PHC2: variants seen among roughly 807,000 people sequenced by gnomAD.
The protein encoded by PHC2 is polyhomeotic-like protein 2.
Under a neutral mutation model 87.4 loss-of-function variants are expected in PHC2, and 29 were observed. That is an observed-to-expected ratio of 0.33 (90% confidence interval 0.25 to 0.45). PHC2 has a LOEUF of 0.45. Among genes scored for constraint, PHC2 ranks in the 20% least tolerant of loss-of-function variants. PHC2 has a pLI of 1.00. For synonymous variants in PHC2, 438 were observed against 461.7 expected (o/e 0.95, Z 0.66); for missense variants, 857 against 1,136.7 (o/e 0.75, Z 3.54).
rs774916729 is a variant in PHC2, at chr1:33,324,946, G to A, written c.2499C>T (p.Asp833=). 59 of 1,613,936 alleles carry A rather than the reference G, an allele frequency of 3.7e-5. No homozygotes were observed. The highest frequency in any genetic ancestry group is 4.8e-5 in the Non-Finnish European group (57 of 1,179,942). ...DGQALLLLKE[D]HLMSAMNIKL... ...TGATGTTCATGGCGCTCATCAGGTGGTCCTCCTTGAGCAGCAGCAGGGCTT... is the reference window on the plus strand; with the variant it reads ...TGATGTTCATGGCGCTCATCAGGTGATCCTCCTTGAGCAGCAGCAGGGCTT... Residue 833 remains aspartate (D), a synonymous_variant, in exon 15 of 15, where the codon GAC becomes GAT. Coordinates refer to ENST00000683057, the MANE Select transcript of PHC2 (RefSeq NM_001385109.1).
chr1:33,330,388 T>C (rs1243497844), intron 12 of PHC2, among the ~76,000 whole-genome samples, 176 bp from the exon 13 acceptor site: 1 of 152,228 alleles, frequency 6.6e-6, no homozygotes, highest in Non-Finnish European at 1.5e-5. Context: ...TAAGCCCTGA[T>C]CCTCCGTTTC....
chr1:33,372,026 G>T (rs938792663), intron 3 of PHC2, among the ~76,000 whole-genome samples: 1 of 152,250 alleles, frequency 6.6e-6, no homozygotes, highest in Non-Finnish European at 1.5e-5. Context: ...TAGACCTGCG[G>T]TAAGGTGGTT....
At chr1:33,411,209 T>C (rs556419727) in intron 1 of PHC2, among the ~76,000 whole-genome samples, 65 of 152,342 alleles carry the variant, frequency 4.3e-4, no homozygotes, top group Non-Finnish European at 7.1e-4. Context: ...AGTATAAATA[T>C]GATATTCTCC....
At position 33,369,425 on chromosome 1, in the gene PHC2, G is replaced by A. The variant is rs950335491; in HGVS notation, c.577-803C>T. The stretch of plus-strand genomic sequence containing the variant: ...AGGCAGGCATCACGACCCCAGTGGA[G>A]TAGGACATAGGGACAAGCAACCTGC... On this transcript the variant is annotated intron_variant, in intron 5 of 14. Transcript: ENST00000683057. This position sits in a 1 kb window ranked among gnomAD's most constrained non-coding sequence, Gnocchi z 4.7. Among the ~76,000 whole-genome samples the A allele has an allele frequency of 6.6e-6, 1 of 152,188 alleles. No individual in the cohort carries two copies. Among genetic ancestry groups the A allele is most frequent in the Non-Finnish European group, 1.5e-5 (1 of 68,034 alleles).
At chr1:33,428,786 A>G (rs56132060) in intron 1 of PHC2, among the ~76,000 whole-genome samples, 7,010 of 152,300 alleles carry the variant, frequency 0.046, 245 homozygotes, top group Non-Finnish European at 0.066. Context: ...GATAATAGTA[A>G]GGAGGGAGGG....
intron 7 of PHC2, among the ~76,000 whole-genome samples, chr1:33,359,455 G>A (rs931023396): frequency 2.6e-5 from 4 of 152,202 alleles, no homozygotes; most frequent in East Asian, 1.9e-4. Context: ...ATGTGCCTGT[G>A]GGAGAGGAAT....
rs776748329 is a variant in PHC2, at chr1:33,375,569, C to G, written c.-30G>C. The G allele has an allele frequency of 2.1e-6, 3 of 1,453,290 alleles. No individual in the cohort carries two copies. The highest frequency in any genetic ancestry group is 2.9e-5 in the African/African-American group (2 of 69,510). The allele number at this position is 1,453,290 out of a possible 1,614,324, so 90.0% of individuals were successfully genotyped here. ...TGCAGTGTGGCGCAGTCAGGGCGCT[C>G]GGATGGCAGAAGGGCAGGCAGATGC... On this transcript the variant is annotated 5_prime_UTR_variant, in exon 2 of 15. Transcript: ENST00000683057.
rs1444919565 is a variant in PHC2, at chr1:33,349,691, C to T, written c.1558+4710G>A. The T allele has an allele frequency of 1.8e-5, 18 of 987,404 alleles. No individual in the cohort carries two copies. The East Asian group carries it at 1.4e-3, about 74-fold the overall frequency. The allele number at this position is 987,404 out of a possible 1,614,324, so 61.2% of individuals were successfully genotyped here. On this transcript the variant is annotated intron_variant, in intron 9 of 14. Transcript: ENST00000683057. The surrounding 1 kb of genome is among the most constrained non-coding windows in gnomAD (Gnocchi z 4.2). ...CGGGGTCCCGGGCCCGGGCGGGCCG[C>T]CTCCTCTCCGCCGGGAGCCTCCGAG...
chr1:33,328,482 C>G (rs2148186331), intron 14 of PHC2, among the ~76,000 whole-genome samples: 1 of 149,448 alleles, frequency 6.7e-6, no homozygotes, highest in South Asian at 2.1e-4. Context: ...TCCCAAAGTG[C>G]TGGGACTATA....
At chr1:33,407,207 T>C (rs1290636154) in intron 1 of PHC2, among the ~76,000 whole-genome samples, 3 of 152,228 alleles carry the variant, frequency 2.0e-5, no homozygotes, top group Non-Finnish European at 4.4e-5. Context: ...ATAGTCAGGA[T>C]AGTTACTTTA....
intron 7 of PHC2, chr1:33,363,961 CA>C: frequency 4.3e-6 from 4 of 937,008 alleles, no homozygotes; most frequent in Non-Finnish European, 5.1e-6. Flanking sequence ...CTCCAAAGCC[CA>C]ACCTCTTAGG....
chr1:33,334,262 G>A lies in PHC2; in HGVS notation c.1589C>T (p.Thr530Ile), dbSNP rs372578094. 17 of 1,612,080 alleles carry A rather than the reference G, an allele frequency of 1.1e-5. No homozygotes were observed. The highest frequency in any genetic ancestry group is 1.4e-5 in the Non-Finnish European group (17 of 1,179,510). Residue 530 changes from threonine to isoleucine, a missense_variant, in exon 10 of 15, where the codon ACC becomes ATC. Coordinates refer to ENST00000683057, the MANE Select transcript of PHC2 (RefSeq NM_001385109.1). This position sits in a 1 kb window ranked among gnomAD's most constrained non-coding sequence, Gnocchi z 5.5. ...ETGQGIVHAL[T>I]DLSSPGMTSG... ...GGTCATGCCGGGGCTGCTGAGGTCGGTCAGTGCATGAACAATGCCCTGCCC... is the reference window on the plus strand; with the variant it reads ...GGTCATGCCGGGGCTGCTGAGGTCGATCAGTGCATGAACAATGCCCTGCCC...
chr1:33,375,513 A>G lies in PHC2; in HGVS notation c.27T>C (p.His9=). 1 of 1,594,950 alleles carries G rather than the reference A, an allele frequency of 6.3e-7. No homozygotes were observed. The highest frequency in any genetic ancestry group is 1.1e-5 in the South Asian group (1 of 88,892). Residue 9 remains histidine, a synonymous_variant, in exon 2 of 15, where the codon CAT becomes CAC. Transcript: ENST00000683057. MENELPVP[H]TSSSACATSS... ...TGGTGGCACAGGCACTGCTAGATGT[A>G]TGTGGGACTGGCAGCTCATTCTCCA... is the stretch of plus-strand genomic sequence containing the variant.
chr1:33,324,432 C>A lies in PHC2; in HGVS notation c.*433G>T. On this transcript the variant is annotated 3_prime_UTR_variant, in exon 15 of 15. Transcript: ENST00000683057. ...GAGAAGCTGACAACGGAAGAGTTAA[C>A]CAGGCCTGGAGAAAGAAGTGGGAGG... The A allele has an allele frequency of 6.4e-6, 1 of 155,178 alleles. No homozygotes were observed. 9.6% of individuals were successfully genotyped at this position (155,178 alleles called of 1,614,324 possible). A position where few individuals can be genotyped will look rare whatever the true frequency, so the allele number is the denominator to read the frequency against.
rs1170609129 is a variant in PHC2 at position 33,325,014 on chromosome 1, G to C, written c.2431C>G (p.Gln811Glu). Reference sequence around the variant, plus strand: ...GCACGGAATTCCTCTGCTATCTCCTGGCAGCCTGAGGGGGTACCACCAAAG... The same window carrying C: ...GCACGGAATTCCTCTGCTATCTCCTCGCAGCCTGAGGGGGTACCACCAAAG... ...YEFIRSLPGC[Q>E]EIAEEFRAQE... The change falls in exon 15 of 15, where the codon CAG (glutamine) becomes GAG (glutamate). Residue 811 changes from glutamine (Q) to glutamate (E), a missense_variant. Gln to Glu is a conservative substitution (Grantham distance 29). Transcript: ENST00000683057. The C allele has an allele frequency of 3.1e-6, 5 of 1,610,344 alleles. No homozygotes were observed. Among genetic ancestry groups the C allele is most frequent in the Non-Finnish European group, 4.2e-6 (5 of 1,177,560 alleles).
intron 1 of PHC2, among the ~76,000 whole-genome samples, chr1:33,376,231 C>T (rs188417558): frequency 2.4e-4 from 36 of 152,296 alleles, no homozygotes; most frequent in African/African-American, 7.0e-4. Context: ...GACAGGGTTT[C>T]GCCATGTTGG....
chr1:33,345,845 A>T, intron 9 of PHC2: 1 of 984,510 alleles, frequency 1.0e-6, no homozygotes, highest in Non-Finnish European at 1.2e-6. Flanking sequence ...ACCTTTAGAA[A>T]TATCAAATCA....
At chr1:33,357,517 G>T (rs1253518342) in intron 7 of PHC2, among the ~76,000 whole-genome samples, 1 of 152,204 alleles carries the variant, frequency 6.6e-6, no homozygotes, top group Non-Finnish European at 1.5e-5. Context: ...GGCCCAGAGG[G>T]GTTTAGTATG....
intron 12 of PHC2, among the ~76,000 whole-genome samples, chr1:33,330,724 T>C (rs939367373): frequency 6.6e-6 from 1 of 152,192 alleles, no homozygotes. Context: ...GTTGCTTCCA[T>C]TGTGGTACAA....
Sources: allele counts gnomAD v4.1 joint callset (sites outside exome capture counted in the v4.1 genomes callset), GRCh38; gene constraint gnomAD v4.1.1; non-coding constraint Gnocchi (gnomAD v3.1); transcripts MANE v1.5; gene names NCBI Gene and HGNC (gene_info 2026-07-23, HGNC 2026-07-21).